The following PHACTR2 variants were observed in gnomAD, a reference collection of about 807,000 sequenced individuals.
PHACTR2 encodes the protein phosphatase and actin regulator 2.
Under a neutral mutation model 76.0 loss-of-function variants are expected in PHACTR2, and 30 were observed. That is an observed-to-expected ratio of 0.39 (90% confidence interval 0.30 to 0.54). The LOEUF (loss-of-function observed/expected upper bound fraction) is 0.54. Ranked by LOEUF, PHACTR2 falls within the 20% of genes least tolerant of loss-of-function variation. The pLI, the probability that PHACTR2 is intolerant of heterozygous loss-of-function variation, is 0.61. For missense variants in PHACTR2, 696 were observed against 781.1 expected, an observed-to-expected ratio of 0.89 and a Z score of 1.30; for synonymous variants, 292 against 292.5, an observed-to-expected ratio of 1.00 and a Z score of 0.02.
At chr6:143,762,051 A>G (rs1302714267) in intron 5 of PHACTR2, among the ~76,000 whole-genome samples, 1 of 152,158 alleles carries the variant, frequency 6.6e-6, no homozygotes, top group Non-Finnish European at 1.5e-5. Context: ...CTCAGGGAGC[A>G]GCTGTCCTCA....
chr6:143,732,568 T>G (rs1207318989), intron 2 of PHACTR2, among the ~76,000 whole-genome samples: 1 of 152,242 alleles, frequency 6.6e-6, no homozygotes, highest in Non-Finnish European at 1.5e-5. Context: ...TTATGAATAA[T>G]GTTGCTGTGT....
rs1207602995 is a variant in PHACTR2 at position 143,556,458 on chromosome 6, T to C, written c.217+19251T>C. On this transcript the variant is annotated intron_variant, in intron 1 of 11. Transcript: ENST00000367584. The surrounding 1 kb of genome is among the most constrained non-coding windows in gnomAD (Gnocchi z 4.3). The stretch of plus-strand genomic sequence containing the variant: ...TTGATAGAATCATCAAAAATAAAAA[T>C]TGAGGCATATAACAAAACCAGAAAG... Among the ~76,000 whole-genome samples the C allele has an allele frequency of 6.6e-6, 1 of 152,130 alleles. No individual in the cohort carries two copies. The highest frequency in any genetic ancestry group is 1.5e-5 in the Non-Finnish European group (1 of 68,016).
Position 143,818,057 on chromosome 6 carries a change from A to G in PHACTR2, c.1923-5617A>G, listed in dbSNP as rs1776339456. ...TGATTGATTTGCTAGTTTGATCATT[A>G]CACATTTTATGCCATCAAAATATCA... On this transcript the variant is annotated intron_variant, in intron 12 of 12. Transcript: ENST00000440869. This position sits in a 1 kb window ranked among gnomAD's most constrained non-coding sequence, Gnocchi z 4.9. 6.6e-6 allele frequency among the ~76,000 whole-genome samples: 1 copy of G among 152,254 alleles called. No individual in the cohort carries two copies. Among genetic ancestry groups the G allele is most frequent in the African/African-American group, 2.4e-5 (1 of 41,464 alleles).
rs111974150 is a variant in PHACTR2 at position 143,794,088 on chromosome 6, G to A, written c.1845+5178G>A. On this transcript the variant is annotated intron_variant, in intron 11 of 12. Transcript: ENST00000440869. The surrounding 1 kb of genome is among the most constrained non-coding windows in gnomAD (Gnocchi z 4.1). ...TAAAAAAAGAACCACTTTAATGCAC[G>A]GTACTTTTAATAATTTCTAAAAATA... is the stretch of plus-strand genomic sequence containing the variant. Among the ~76,000 whole-genome samples the A allele has an allele frequency of 9.9e-3, 1,505 of 151,560 alleles. 30 individuals are homozygous for A. Among genetic ancestry groups the A allele is most frequent in the African/African-American group, 0.032 (1,336 of 41,362 alleles).
intron 2 of PHACTR2, among the ~76,000 whole-genome samples, chr6:143,719,048 A>T (rs370626153): frequency 6.6e-6 from 1 of 151,734 alleles, no homozygotes; most frequent in South Asian, 2.1e-4. Flanking sequence ...ACGCCCAGCT[A>T]ATTTTTGTAT....
rs892983539 is a variant in PHACTR2, at chr6:143,592,773, C to T, written c.217+55566C>T. ...TTAAGAATCCCAACCTTGGGCTGGG[C>T]ACGGTGGCTCAAGCCTGTAATCCCA... On this transcript the variant is annotated intron_variant, in intron 1 of 11. Transcript: ENST00000367584. The surrounding 1 kb of genome is among the most constrained non-coding windows in gnomAD (Gnocchi z 4.0). Among the ~76,000 whole-genome samples, 4 of 152,086 alleles carry T rather than the reference C, an allele frequency of 2.6e-5. No individual in the cohort carries two copies. The highest frequency in any genetic ancestry group is 9.7e-5 in the African/African-American group (4 of 41,394).
chr6:143,756,244 G>C (rs1293569147), intron 4 of PHACTR2, among the ~76,000 whole-genome samples: 5 of 152,070 alleles, frequency 3.3e-5, no homozygotes, highest in Admixed American at 3.3e-4. Flanking sequence ...TTCCACCCAG[G>C]CCCCCTGGGC....
At chr6:143,768,978 G>A (rs2128474387) in intron 6 of PHACTR2, among the ~76,000 whole-genome samples, 1 of 152,236 alleles carries the variant, frequency 6.6e-6, no homozygotes, top group African/African-American at 2.4e-5. Flanking sequence ...TTTTCAAGTG[G>A]ATATTTGGAT....
At chr6:143,771,210 A>ATATG (rs1562300915) in intron 6 of PHACTR2, among the ~76,000 whole-genome samples, 5 of 79,198 alleles carry the variant, frequency 6.3e-5, no homozygotes, top group African/African-American at 1.4e-4. Flanking sequence ...ATATATATAT[A>ATATG]TATATATATA....
Position 143,765,869 on chromosome 6 carries a change from A to G in PHACTR2, c.1232+71A>G, listed in dbSNP as rs1379579419. On this transcript the variant is annotated intron_variant, in intron 6 of 12. Coordinates refer to ENST00000440869, the MANE Select transcript of PHACTR2 (RefSeq NM_001100164.2). The surrounding 1 kb of genome is among the most constrained non-coding windows in gnomAD (Gnocchi z 4.1). Reference sequence around the variant, plus strand: ...CACTAATATATTCTGTTGGAAATGAAGCACCGGGTTTGCTTTCTTATATAA... The same window carrying G: ...CACTAATATATTCTGTTGGAAATGAGGCACCGGGTTTGCTTTCTTATATAA... 3.1e-5 allele frequency: 41 copies of G among 1,325,186 alleles called. No individual in the cohort carries two copies. Among genetic ancestry groups the G allele is most frequent in the Non-Finnish European group, 3.9e-5 (37 of 955,578 alleles). The allele number at this position is 1,325,186 out of a possible 1,614,324, so 82.1% of individuals were successfully genotyped here.
intron 12 of PHACTR2, among the ~76,000 whole-genome samples, chr6:143,817,071 C>A (rs76989796): frequency 6.7e-6 from 1 of 149,114 alleles, no homozygotes; most frequent in African/African-American, 2.5e-5. Context: ...GTCCCCCCCA[C>A]CCCCCAAAAA....
In PHACTR2 at chr6:143,788,870, G is replaced by T. The variant is rs754354729; in HGVS notation, c.1805G>T (p.Arg602Leu). The change falls in exon 11 of 13, where the codon CGA (arginine) becomes CTA (leucine). Residue 602 changes from arginine (R) to leucine (L), a missense_variant. Transcript: ENST00000440869. Reference protein sequence around the residue: ...EVTDSPDYDRRADKPWARLTP... With the variant: ...EVTDSPDYDRLADKPWARLTP... ...ACGGATTCTCCTGACTATGACCGCC[G>T]AGCAGACAAGCCCTGGGCCAGGTTA... 1 of 1,613,560 alleles carries T rather than the reference G, an allele frequency of 6.2e-7. No homozygotes were observed. The highest frequency in any genetic ancestry group is 2.2e-5 in the East Asian group (1 of 44,880).
intron 1 of PHACTR2, among the ~76,000 whole-genome samples, chr6:143,559,690 CTTTTTTTTTTTTTTTTTTTTTT>C (rs5880566): frequency 1.3e-4 from 4 of 31,904 alleles, no homozygotes; most frequent in South Asian, 1.7e-3. Flanking sequence ...TTTTTCTTTT[CTTTTTTTTTTTTTTTTTTTTTT>C]TTTTTTTTTT....
rs888179259 is a variant in PHACTR2, at chr6:143,791,148, A to G, written c.1845+2238A>G. On this transcript the variant is annotated intron_variant, in intron 11 of 12. Transcript: ENST00000440869. The surrounding 1 kb of genome is among the most constrained non-coding windows in gnomAD (Gnocchi z 4.7). ...CTTTTCACATTTAACTTTTTTGTTT[A>G]CCTGGAGTTGTTTTTTGGGGGAAGG... Among the ~76,000 whole-genome samples the G allele has an allele frequency of 6.6e-6, 1 of 152,082 alleles. No homozygotes were observed. The highest frequency in any genetic ancestry group is 1.5e-5 in the Non-Finnish European group (1 of 68,006).
At position 143,779,680 on chromosome 6, in the gene PHACTR2, A is replaced by G. The variant is rs540402146; in HGVS notation, c.1645+2297A>G. ...GGGCATCTTTTCTGGCAAACTAGAA[A>G]ACTAATTCACAGAATAAAACATTCA... On this transcript the variant is annotated intron_variant, in intron 9 of 12. Coordinates refer to ENST00000440869, the MANE Select transcript of PHACTR2 (RefSeq NM_001100164.2). Among the ~76,000 whole-genome samples, 6 of 152,174 alleles carry G rather than the reference A, an allele frequency of 3.9e-5. No homozygotes were observed. The East Asian group carries it at 9.7e-4, about 25-fold the overall frequency.
intron 2 of PHACTR2, among the ~76,000 whole-genome samples, chr6:143,732,737 A>G (rs1173088638): frequency 1.3e-5 from 2 of 152,144 alleles, no homozygotes; most frequent in East Asian, 1.9e-4. Flanking sequence ...CAGCCACACC[A>G]TTTTATATTC....
At chr6:143,551,531 T>C (rs1274300876) in intron 1 of PHACTR2, among the ~76,000 whole-genome samples, 1 of 152,164 alleles carries the variant, frequency 6.6e-6, no homozygotes, top group African/African-American at 2.4e-5. Flanking sequence ...AAGGTAAGGC[T>C]GAACAAGATG....
Position 143,654,179 on chromosome 6 carries a change from A to G in PHACTR2, c.13+45857A>G, listed in dbSNP as rs1401744756. Among the ~76,000 whole-genome samples the G allele has an allele frequency of 6.6e-6, 1 of 152,190 alleles. No homozygotes were observed. Among genetic ancestry groups the G allele is most frequent in the East Asian group, 1.9e-4 (1 of 5,198 alleles). On this transcript the variant is annotated intron_variant, in intron 1 of 11. Coordinates refer to the PHACTR2 transcript ENST00000305766. This position sits in a 1 kb window ranked among gnomAD's most constrained non-coding sequence, Gnocchi z 4.6. ...AAGAGACCACTTTATACCCATGGGA[A>G]TGTCTATAATCAGAAAGACAGGTAA...
rs984604458 is a variant in PHACTR2, at chr6:143,558,858, C to T, written c.217+21651C>T. ...GACCAGTAATGGTGATTAGGTAGCT[C>T]GAGGGCCCCTAAACACCTCCCTGAT... On this transcript the variant is annotated intron_variant, in intron 1 of 11. Coordinates refer to the PHACTR2 transcript ENST00000367584. The surrounding 1 kb of genome is among the most constrained non-coding windows in gnomAD (Gnocchi z 4.7). Among the ~76,000 whole-genome samples the T allele has an allele frequency of 2.0e-5, 3 of 152,132 alleles. No individual in the cohort carries two copies. The highest frequency in any genetic ancestry group is 4.8e-5 in the African/African-American group (2 of 41,416).
Sources: gnomAD v4.1 joint callset for allele counts (sites outside exome capture counted in the v4.1 genomes callset) on GRCh38, gnomAD v4.1.1 for gene constraint, Gnocchi (gnomAD v3.1) non-coding constraint, MANE v1.5 for transcripts, NCBI Gene and HGNC (gene_info 2026-07-23, HGNC 2026-07-21) for gene names.